Variants in NRXN3 observed in about 807,000 individuals in gnomAD.
NRXN3 encodes the protein neurexin III.
A neutral mutation model predicts 137.6 loss-of-function variants in NRXN3; 32 were observed. The observed-to-expected ratio is 0.23, with a 90% confidence interval of 0.18 to 0.31. NRXN3 has a LOEUF of 0.31. Among genes scored for constraint, NRXN3 ranks in the 10% least tolerant of loss-of-function variants. NRXN3 has a pLI of 1.00. For synonymous variants in NRXN3, 798 were observed against 784.5 expected, an observed-to-expected ratio of 1.02 and a Z score of -0.29; for missense variants, 1,574 against 2,062.5, an observed-to-expected ratio of 0.76 and a Z score of 4.59.
intron 3 of NRXN3, among the ~76,000 whole-genome samples, chr14:78,297,314 GA>G (rs1166225269): frequency 2.0e-5 from 3 of 151,858 alleles, no homozygotes; most frequent in Non-Finnish European, 4.4e-5. Flanking sequence ...ACTATCTAGA[GA>G]AAAAAAAGTT....
chr14:79,461,793 A>G (rs1399797080), intron 15 of NRXN3, among the ~76,000 whole-genome samples: 1 of 152,248 alleles, frequency 6.6e-6, no homozygotes, highest in East Asian at 1.9e-4. Context: ...TTTATAGTAA[A>G]AAAACACGAA....
intron 1 of NRXN3, among the ~76,000 whole-genome samples, chr14:78,227,348 G>GA (rs201824696): frequency 0.049 from 7,144 of 147,166 alleles, 222 homozygotes; most frequent in Non-Finnish European, 0.061. Flanking sequence ...GATGGGAGTT[G>GA]AAAAAAAAAA....
intron 6 of NRXN3, among the ~76,000 whole-genome samples, chr14:78,665,466 G>C (rs7159313): frequency 0.25 from 37,311 of 151,982 alleles, 4,899 homozygotes; most frequent in East Asian, 0.4. Flanking sequence ...GGTAACCACC[G>C]TCATGATTCA....
intron 1 of NRXN3, among the ~76,000 whole-genome samples, chr14:78,225,480 A>AGGGCTAAT (rs1477290414): frequency 0.01 from 1,522 of 151,624 alleles, 13 homozygotes; most frequent in Non-Finnish European, 0.017. Flanking sequence ...GTTTGAGTAC[A>AGGGCTAAT]TTGTAGATTC....
At chr14:79,815,595 A>G (rs1170554865) in intron 20 of NRXN3, among the ~76,000 whole-genome samples, 1 of 152,182 alleles carries the variant, frequency 6.6e-6, no homozygotes, top group Non-Finnish European at 1.5e-5. Context: ...GGGAAATGTA[A>G]AAGAAAGGAA....
chr14:79,178,535 A>G (rs2062591765), intron 15 of NRXN3, among the ~76,000 whole-genome samples: 1 of 152,202 alleles, frequency 6.6e-6, no homozygotes, highest in Admixed American at 6.5e-5. Flanking sequence ...TAGCCTCTTG[A>G]TTGAGTTATA....
intron 15 of NRXN3, among the ~76,000 whole-genome samples, chr14:79,204,076 CCT>C (rs1468304605): frequency 6.6e-6 from 1 of 152,054 alleles, no homozygotes; most frequent in Non-Finnish European, 1.5e-5. Flanking sequence ...CCAACATCCC[CCT>C]GTGTGTGGCC....
chr14:79,467,481 A>G lies in NRXN3; in HGVS notation c.3444+79A>G, dbSNP rs1055528059. ...GTGATTCAGGTAGACGCAGCAGAAC[A>G]TTCTAGATCAATATGGCAAAGGTGC... On this transcript the variant is annotated intron_variant, in intron 16 of 20. Transcript: ENST00000335750. The G allele has an allele frequency of 5.5e-6, 7 of 1,282,040 alleles. No individual in the cohort carries two copies. The Admixed American group carries it at 9.3e-5, about 17-fold the overall frequency. 79.4% of individuals were successfully genotyped at this position (1,282,040 alleles called of 1,614,324 possible). A position where few individuals can be genotyped will look rare whatever the true frequency, so the allele number is the denominator to read the frequency against.
chr14:79,483,923 A>T (rs998538555), intron 16 of NRXN3, among the ~76,000 whole-genome samples: 1 of 152,148 alleles, frequency 6.6e-6, no homozygotes, highest in African/African-American at 2.4e-5. Flanking sequence ...AGCCACTCCT[A>T]TTCACACTCT....
chr14:79,416,195 C>A (rs2095494235), intron 15 of NRXN3, among the ~76,000 whole-genome samples: 1 of 152,038 alleles, frequency 6.6e-6, no homozygotes, highest in South Asian at 2.1e-4. Context: ...TCTTTTTATT[C>A]TTTTCTTTTA....
intron 15 of NRXN3, among the ~76,000 whole-genome samples, chr14:79,265,828 C>T (rs2078384784): frequency 6.6e-6 from 1 of 152,164 alleles, no homozygotes; most frequent in African/African-American, 2.4e-5. Context: ...CTGCTGAGGG[C>T]TTCTGCCCTC....
intron 15 of NRXN3, among the ~76,000 whole-genome samples, chr14:79,135,467 A>G (rs2058120095): frequency 1.3e-5 from 2 of 152,208 alleles, no homozygotes; most frequent in African/African-American, 2.4e-5. Flanking sequence ...TGGTCCTACT[A>G]TCCCTGTCCT....
intron 4 of NRXN3, among the ~76,000 whole-genome samples, chr14:78,539,121 G>A (rs1316022427): frequency 2.0e-5 from 3 of 152,068 alleles, no homozygotes; most frequent in African/African-American, 7.2e-5. Flanking sequence ...CGATTATGTT[G>A]GCCTCATAAA....
chr14:78,789,616 G>T (rs980234651), intron 8 of NRXN3, among the ~76,000 whole-genome samples: 2 of 152,048 alleles, frequency 1.3e-5, no homozygotes, highest in African/African-American at 2.4e-5. Context: ...AGTAATTGTG[G>T]TTTTTGCAAT....
chr14:79,729,635 T>C (rs1020910349), intron 19 of NRXN3, among the ~76,000 whole-genome samples: 1 of 152,212 alleles, frequency 6.6e-6, no homozygotes, highest in African/African-American at 2.4e-5. Flanking sequence ...AATGAGAGAA[T>C]TGAAGGAGGT....
chr14:79,717,011 C>T (rs1335305865), intron 19 of NRXN3, among the ~76,000 whole-genome samples: 2 of 152,272 alleles, frequency 1.3e-5, no homozygotes, highest in Non-Finnish European at 1.5e-5. Context: ...TTTTCTGTTG[C>T]ATTTAAATGC....
intron 10 of NRXN3, among the ~76,000 whole-genome samples, chr14:78,837,229 T>C (rs1305450729): frequency 6.6e-6 from 1 of 152,194 alleles, no homozygotes; most frequent in Non-Finnish European, 1.5e-5. Flanking sequence ...CTCTCTCTCT[T>C]TCAGTCCAGA....
chr14:79,536,630 C>T (rs184136840), intron 16 of NRXN3, among the ~76,000 whole-genome samples: 9 of 152,162 alleles, frequency 5.9e-5, no homozygotes, highest in Admixed American at 4.6e-4. Flanking sequence ...CCCCAGCAGG[C>T]CCCAGTGAGT....
chr14:78,896,996 T>C (rs190626071), intron 10 of NRXN3, among the ~76,000 whole-genome samples: 1 of 152,018 alleles, frequency 6.6e-6, no homozygotes, highest in African/African-American at 2.4e-5. Context: ...CATTGTCTGA[T>C]CTTGTAAAGA....
Sources: gnomAD v4.1 joint callset for allele counts (sites outside exome capture counted in the v4.1 genomes callset) on GRCh38, gnomAD v4.1.1 for gene constraint, MANE v1.5 for transcripts, NCBI Gene and HGNC (gene_info 2026-07-23, HGNC 2026-07-21) for gene names.